DPYSL3: variants seen among roughly 807,000 people sequenced by gnomAD.
The protein encoded by DPYSL3 is dihydropyrimidinase-related protein 3.
Under a neutral mutation model 66.1 loss-of-function variants are expected in DPYSL3, and 16 were observed. The observed-to-expected ratio is 0.24, with a 90% CI of 0.16 to 0.37. The LOEUF is 0.37. Ranked by LOEUF, DPYSL3 falls within the 10% of genes least tolerant of loss-of-function variation. The pLI, the probability that DPYSL3 is intolerant of heterozygous loss-of-function variation, is 1.00. For synonymous variants in DPYSL3, 338 were observed against 345.1 expected, an observed-to-expected ratio of 0.98 and a Z score of 0.23; for missense variants, 738 against 916.2, an observed-to-expected ratio of 0.81 and a Z score of 2.51.
intron 1 of DPYSL3, among the ~76,000 whole-genome samples, chr5:147,478,863 A>C (rs1753198810): frequency 6.6e-6 from 1 of 152,176 alleles, no homozygotes; most frequent in Non-Finnish European, 1.5e-5. Context: ...TGTGTCAGGG[A>C]AAGTGTCAGC....
intron 1 of DPYSL3, among the ~76,000 whole-genome samples, chr5:147,468,127 C>A (rs887212140): frequency 1.3e-5 from 2 of 152,134 alleles, no homozygotes; most frequent in African/African-American, 2.4e-5. Flanking sequence ...CTTTATAATG[C>A]ATAAAAAGGT....
chr5:147,505,338 G>A (rs915064682), intron 1 of DPYSL3, among the ~76,000 whole-genome samples: 12 of 151,794 alleles, frequency 7.9e-5, no homozygotes, highest in Non-Finnish European at 1.2e-4. Flanking sequence ...GGGTTCAAGC[G>A]ATTCTCCTGC....
intron 13 of DPYSL3, among the ~76,000 whole-genome samples, chr5:147,394,693 A>AAG (rs1757918798): frequency 6.6e-6 from 1 of 150,546 alleles, no homozygotes; most frequent in African/African-American, 2.4e-5. Context: ...AAAAAAAAAA[A>AAG]GGCAAAAACT....
At chr5:147,463,178 C>T (rs1459339838) in intron 1 of DPYSL3, among the ~76,000 whole-genome samples, 1 of 152,090 alleles carries the variant, frequency 6.6e-6, no homozygotes, top group Non-Finnish European at 1.5e-5. Context: ...ACACCTGTGG[C>T]CCTTATGACC....
chr5:147,417,276 T>C (rs1363469269), intron 3 of DPYSL3, among the ~76,000 whole-genome samples: 2 of 152,192 alleles, frequency 1.3e-5, no homozygotes, highest in African/African-American at 4.8e-5. Context: ...TAGTCTTCTA[T>C]CAAAAGCAGC....
rs1753722871 is a variant in DPYSL3, at chr5:147,509,232, G to A, written c.381+246C>T. Among the ~76,000 whole-genome samples, 1 of 152,150 alleles carries A rather than the reference G, an allele frequency of 6.6e-6. No individual in the cohort carries two copies. Among genetic ancestry groups the A allele is most frequent in the South Asian group, 2.1e-4 (1 of 4,814 alleles). ...GCGAGGAGGCAGGGGCAAAGGACGC[G>A]GCTCCAGGCAGGGGAACCCGGGCAT... is the stretch of plus-strand genomic sequence containing the variant. On this transcript the variant is annotated intron_variant, in intron 1 of 13. Transcript: ENST00000343218. This position sits in a 1 kb window ranked among gnomAD's most constrained non-coding sequence, Gnocchi z 5.3.
chr5:147,507,171 G>A (rs541654844), intron 1 of DPYSL3, among the ~76,000 whole-genome samples: 20 of 152,052 alleles, frequency 1.3e-4, no homozygotes, highest in Admixed American at 2.0e-4. Context: ...TGAGAGTTGG[G>A]GGTTGTTTGT....
chr5:147,438,360 A>C (rs561184863), intron 1 of DPYSL3, among the ~76,000 whole-genome samples: 16 of 152,324 alleles, frequency 1.1e-4, no homozygotes, highest in Middle Eastern at 3.4e-3. Flanking sequence ...CAAACACTTG[A>C]ACTAAATACA....
chr5:147,395,991 C>A (rs1757959655), intron 12 of DPYSL3, among the ~76,000 whole-genome samples: 1 of 151,902 alleles, frequency 6.6e-6, no homozygotes, highest in Non-Finnish European at 1.5e-5. Context: ...TTGGGGTTGC[C>A]AGAGGGAGGA....
intron 1 of DPYSL3, among the ~76,000 whole-genome samples, chr5:147,497,267 GAAGGGGTAGC>G (rs1041666927): frequency 2.2e-5 from 3 of 137,026 alleles, no homozygotes; most frequent in Non-Finnish European, 3.2e-5. Context: ...GGGGGAGGGG[GAAGGGGTAGC>G]ATTAGGAGAT....
At chr5:147,419,468 C>T (rs1752039106) in intron 2 of DPYSL3, among the ~76,000 whole-genome samples, 1 of 152,228 alleles carries the variant, frequency 6.6e-6, no homozygotes, top group African/African-American at 2.4e-5. Flanking sequence ...CCACACAATG[C>T]TGCTTATAGA....
At chr5:147,440,131 T>A (rs1343923836) in intron 1 of DPYSL3, among the ~76,000 whole-genome samples, 1 of 151,892 alleles carries the variant, frequency 6.6e-6, no homozygotes, top group Non-Finnish European at 1.5e-5. Flanking sequence ...TGAAACCCCG[T>A]CTCTACTAAA....
intron 1 of DPYSL3, among the ~76,000 whole-genome samples, chr5:147,455,182 T>C (rs1289813217): frequency 6.6e-6 from 1 of 152,072 alleles, no homozygotes; most frequent in Admixed American, 6.6e-5. Context: ...ATATAAGGCA[T>C]CCACAGAAAG....
At chr5:147,485,522 T>C (rs1753316045) in intron 1 of DPYSL3, among the ~76,000 whole-genome samples, 1 of 152,242 alleles carries the variant, frequency 6.6e-6, no homozygotes, top group Non-Finnish European at 1.5e-5. Flanking sequence ...TCAGTCGTTT[T>C]ATGTATTCTT....
intron 1 of DPYSL3, among the ~76,000 whole-genome samples, chr5:147,488,525 T>A (rs1383189811): frequency 6.6e-6 from 1 of 152,128 alleles, no homozygotes; most frequent in Non-Finnish European, 1.5e-5. Context: ...ATTACCAGCC[T>A]GGGCAACATA....
chr5:147,419,658 T>C (rs973576426), intron 2 of DPYSL3, among the ~76,000 whole-genome samples: 2 of 152,148 alleles, frequency 1.3e-5, no homozygotes, highest in African/African-American at 4.8e-5. Context: ...TTTTCCCCTT[T>C]TATCCACGGA....
chr5:147,507,690 A>G (rs1328317127), intron 1 of DPYSL3, among the ~76,000 whole-genome samples: 2 of 152,226 alleles, frequency 1.3e-5, no homozygotes, highest in African/African-American at 4.8e-5. Context: ...GCCCAAACTT[A>G]CAAATGACTA....
At chr5:147,397,969 A>G in intron 11 of DPYSL3, 124 bp from the exon 12 acceptor site, 1 of 987,208 alleles carries the variant, frequency 1.0e-6, no homozygotes, top group East Asian at 2.7e-5. Flanking sequence ...AAAGCTCACC[A>G]TGCATCTGCA....
intron 1 of DPYSL3, among the ~76,000 whole-genome samples, chr5:147,484,498 A>G (rs1303085240): frequency 6.6e-6 from 1 of 152,232 alleles, no homozygotes; most frequent in Non-Finnish European, 1.5e-5. Context: ...AGAGACAATG[A>G]CTGGTTTTCA....
Sources: allele counts gnomAD v4.1 joint callset (sites outside exome capture counted in the v4.1 genomes callset), GRCh38; gene constraint gnomAD v4.1.1; non-coding constraint Gnocchi (gnomAD v3.1); transcripts MANE v1.5; gene names NCBI Gene and HGNC (gene_info 2026-07-23, HGNC 2026-07-21).